The following AKAP6 variants were observed in gnomAD, a reference collection of about 807,000 sequenced individuals.
The protein encoded by AKAP6 is A-kinase anchoring protein 6, also known as A-kinase anchor protein 6.
In AKAP6, 58 loss-of-function variants were observed where a neutral mutation model predicts 188.5. The observed-to-expected ratio is 0.31, with a 90% CI of 0.25 to 0.38. The LOEUF (loss-of-function observed/expected upper bound fraction) is 0.38, where lower values mean the gene tolerates loss of function less well. AKAP6 is among the 10% of genes least tolerant of loss of function. AKAP6 has a pLI of 1.00. For missense variants in AKAP6, 2,710 were observed against 2,740.0 expected, an observed-to-expected ratio of 0.99 and a Z score of 0.24; for synonymous variants, 989 against 998.6, an observed-to-expected ratio of 0.99 and a Z score of 0.18.
Position 32,446,040 on chromosome 14 carries a change from A to G in AKAP6, c.324+12223A>G, listed in dbSNP as rs966077774. On this transcript the variant is annotated intron_variant, in intron 2 of 13. Transcript: ENST00000280979. The stretch of plus-strand genomic sequence containing the variant: ...CCTCACCTCAAAAGTTCTATTGGCA[A>G]TTTTATATATAATGCATCAAAGAAT... Among the ~76,000 whole-genome samples, 4 of 152,152 alleles carry G rather than the reference A, an allele frequency of 2.6e-5. No homozygotes were observed. In the South Asian group the frequency reaches 8.3e-4, roughly 31 times the overall value.
At chr14:32,345,594 C>G (rs1174288341) in intron 1 of AKAP6, among the ~76,000 whole-genome samples, 1 of 152,080 alleles carries the variant, frequency 6.6e-6, no homozygotes, top group East Asian at 1.9e-4. Context: ...AAAGCGGTTC[C>G]TAGAGAGAAA....
At chr14:32,444,765 T>A (rs1014631136) in intron 2 of AKAP6, among the ~76,000 whole-genome samples, 1 of 152,172 alleles carries the variant, frequency 6.6e-6, no homozygotes, top group East Asian at 1.9e-4. Context: ...TTTTTTCCTC[T>A]TTTCCAAAAA....
At chr14:32,729,644 A>C (rs1053196880) in intron 9 of AKAP6, among the ~76,000 whole-genome samples, 1 of 152,166 alleles carries the variant, frequency 6.6e-6, no homozygotes, top group African/African-American at 2.4e-5. Flanking sequence ...GTCAAAATTG[A>C]ATTGGCCAAG....
intron 7 of AKAP6, among the ~76,000 whole-genome samples, chr14:32,664,159 A>C (rs542904381): frequency 1.8e-4 from 27 of 152,262 alleles, no homozygotes; most frequent in Non-Finnish European, 3.1e-4. Flanking sequence ...GAAGAGGAAA[A>C]AAAATGTATA....
At chr14:32,595,288 G>A (rs1885647368) in intron 5 of AKAP6, among the ~76,000 whole-genome samples, 1 of 152,018 alleles carries the variant, frequency 6.6e-6, no homozygotes, top group African/African-American at 2.4e-5. Context: ...GTCCTGTGTA[G>A]CCATAGCTGC....
At chr14:32,358,240 A>C (rs1887546385) in intron 1 of AKAP6, among the ~76,000 whole-genome samples, 1 of 152,208 alleles carries the variant, frequency 6.6e-6, no homozygotes, top group South Asian at 2.1e-4. Context: ...ATATATTTCC[A>C]ATTACAAATG....
chr14:32,592,330 G>C (rs919862183), intron 5 of AKAP6, among the ~76,000 whole-genome samples: 1 of 152,186 alleles, frequency 6.6e-6, no homozygotes, highest in African/African-American at 2.4e-5. Context: ...GTATGTGAAG[G>C]TTTGAGCTCT....
chr14:32,702,000 G>A (rs1407005508), intron 9 of AKAP6, among the ~76,000 whole-genome samples: 1 of 152,140 alleles, frequency 6.6e-6, no homozygotes, highest in Non-Finnish European at 1.5e-5. Flanking sequence ...TGGAATTTCA[G>A]TGTTGAATGT....
At chr14:32,658,751 T>A (rs1888558872) in intron 7 of AKAP6, among the ~76,000 whole-genome samples, 1 of 150,428 alleles carries the variant, frequency 6.6e-6, no homozygotes, top group East Asian at 2.0e-4. Flanking sequence ...CACAGTGGAG[T>A]TTGGTAGGTT....
chr14:32,390,396 T>C (rs1195973628), intron 1 of AKAP6, among the ~76,000 whole-genome samples: 1 of 152,078 alleles, frequency 6.6e-6, no homozygotes, highest in African/African-American at 2.4e-5. Context: ...GGTGAGCTAG[T>C]GTGATTTTTT....
chr14:32,483,476 A>T (rs8005075), intron 2 of AKAP6, among the ~76,000 whole-genome samples: 94,548 of 151,800 alleles, frequency 0.62, 30,649 homozygotes, highest in East Asian at 0.81. Flanking sequence ...TGTCTTTTTT[A>T]AAAAAATTAT....
At chr14:32,333,043 T>C (rs977432146) in intron 1 of AKAP6, among the ~76,000 whole-genome samples, 1 of 152,152 alleles carries the variant, frequency 6.6e-6, no homozygotes, top group African/African-American at 2.4e-5. Context: ...TCCTGTATGG[T>C]GAATACTTAG....
At chr14:32,691,218 A>C (rs1174621638) in intron 8 of AKAP6, among the ~76,000 whole-genome samples, 1 of 152,206 alleles carries the variant, frequency 6.6e-6, no homozygotes, top group East Asian at 1.9e-4. Flanking sequence ...AGCAGTTGTC[A>C]TGAGAAATTC....
intron 12 of AKAP6, among the ~76,000 whole-genome samples, chr14:32,799,379 A>G (rs1271571541): frequency 2.0e-5 from 3 of 151,484 alleles, no homozygotes; most frequent in African/African-American, 7.3e-5. Context: ...TTTCTTTCTC[A>G]GTTTCCTAAG....
chr14:32,473,794 A>G (rs3784196), intron 2 of AKAP6: 139,329 of 152,104 alleles, frequency 0.92, 63,916 homozygotes, highest in South Asian at 0.97. Context: ...TGGGCAGGAC[A>G]CCACTGTTTT....
chr14:32,717,370 A>G lies in AKAP6; in HGVS notation c.3001-15084A>G, dbSNP rs1046309548. 5.3e-5 allele frequency among the ~76,000 whole-genome samples: 8 copies of G among 152,222 alleles called. No homozygotes were observed. The South Asian group carries it at 1.7e-3, about 32-fold the overall frequency. On this transcript the variant is annotated intron_variant, in intron 9 of 13. Coordinates refer to ENST00000280979, the MANE Select transcript of AKAP6 (RefSeq NM_004274.5). ...TCTGTTTATTTCAGGGAAGCCATTC[A>G]CTAAGACCTTTTCTCCAGCTGTAAT...
At chr14:32,497,672 T>C (rs1289282927) in intron 2 of AKAP6, among the ~76,000 whole-genome samples, 1 of 152,072 alleles carries the variant, frequency 6.6e-6, no homozygotes, top group South Asian at 2.1e-4. Flanking sequence ...ATCTTCTCTC[T>C]ATGCCCTTAG....
chr14:32,824,975 T>C (rs1386680078), intron 13 of AKAP6, among the ~76,000 whole-genome samples, 160 bp downstream of exon 13: 1 of 150,890 alleles, frequency 6.6e-6, no homozygotes, highest in Admixed American at 6.6e-5. Flanking sequence ...TGAAAGTAAC[T>C]GTGAAGCAAA....
At chr14:32,716,450 A>G (rs1191806987) in intron 9 of AKAP6, among the ~76,000 whole-genome samples, 1 of 151,116 alleles carries the variant, frequency 6.6e-6, no homozygotes, top group Non-Finnish European at 1.5e-5. Context: ...GGCAAAAACC[A>G]CAATTACATT....
Sources: gnomAD v4.1 joint callset for allele counts (sites outside exome capture counted in the v4.1 genomes callset) on GRCh38, gnomAD v4.1.1 for gene constraint, MANE v1.5 for transcripts, NCBI Gene and HGNC (gene_info 2026-07-23, HGNC 2026-07-21) for gene names.